EFHB: variants seen among roughly 807,000 people sequenced by gnomAD.
The protein encoded by EFHB is EF-hand domain-containing family member B.
EFHB carries 91 observed loss-of-function variants against 87.2 expected under a neutral mutation model. The observed-to-expected ratio is 1.04, with a 90% CI of 0.88 to 1.24. The LOEUF (loss-of-function observed/expected upper bound fraction) is 1.24, where lower values mean the gene tolerates loss of function less well. EFHB is among the 50% of genes most tolerant of loss of function. The pLI is 0.00. For synonymous variants in EFHB, 325 were observed against 333.6 expected (o/e 0.97, Z 0.28); for missense variants, 1,084 against 998.8 (o/e 1.09, Z -1.15).
intron 1 of EFHB, among the ~76,000 whole-genome samples, chr3:19,923,842 T>C (rs920948886): frequency 1.3e-5 from 2 of 152,272 alleles, no homozygotes; most frequent in African/African-American, 4.8e-5. Flanking sequence ...TAAAACTATA[T>C]TAGAAATTCT....
chr3:19,942,946 C>A, intron 1 of EFHB: 2 of 218,670 alleles, frequency 9.1e-6, no homozygotes, highest in Non-Finnish European at 9.0e-6. Context: ...GTCCATGGCC[C>A]TAGAGGACAC....
At chr3:19,939,370 CTTTTTT>C (rs147510880) in intron 1 of EFHB, among the ~76,000 whole-genome samples, 34 of 64,586 alleles carry the variant, frequency 5.3e-4, no homozygotes, top group Non-Finnish European at 8.6e-4. Flanking sequence ...GTTGGGTCTC[CTTTTTT>C]TTTTTTTTTT....
rs746372454 is a variant in EFHB, at chr3:19,933,324, T to C, written c.695A>G (p.Glu232Gly). 5.6e-6 allele frequency: 9 copies of C among 1,613,988 alleles called. No homozygotes were observed. In the African/African-American group the frequency reaches 1.1e-4, roughly 19 times the overall value. The change falls in exon 1 of 13, where the codon GAG (glutamate) becomes GGG (glycine). Residue 232 changes from glutamate (E) to glycine (G), a missense_variant. By Grantham distance (98) the Glu-to-Gly change is moderately conservative (BLOSUM62 -2). Transcript: ENST00000295824. The stretch of plus-strand genomic sequence containing the variant: ...CACTCCTGATTCAATGTTTCCAGCC[T>C]CCTTTCTCTGTTCATGTTGTTGGGC... ...QFAQQHEQRK[E>G]AGNIESGVEP...
rs952716481 is a variant in EFHB, at chr3:19,888,625, G to C, written c.1752C>G (p.Asp584Glu). The change falls in exon 10 of 13, where the codon GAC becomes GAG. Residue 584 changes from aspartate to glutamate, a missense_variant. Transcript: ENST00000295824. ...CCTGGTCACAAGCTTCCTGCAGCTCGTCTTTATCTATCATCCCATCTCCCT... is the reference window on the plus strand; with the variant it reads ...CCTGGTCACAAGCTTCCTGCAGCTCCTCTTTATCTATCATCCCATCTCCCT... Reference protein sequence around the residue: ...DKKGDGMIDKDELQEACDQAN... With the variant: ...DKKGDGMIDKEELQEACDQAN... 4.4e-6 allele frequency: 7 copies of C among 1,606,080 alleles called. No homozygotes were observed. The highest frequency in any genetic ancestry group is 6.0e-6 in the Non-Finnish European group (7 of 1,175,826).
At chr3:19,932,486 C>G (rs547804635) in intron 1 of EFHB, among the ~76,000 whole-genome samples, 4 of 152,156 alleles carry the variant, frequency 2.6e-5, no homozygotes, top group Non-Finnish European at 4.4e-5. Flanking sequence ...ACATAGGAAG[C>G]TTTGGTTGTG....
At chr3:19,936,100 T>C (rs1283771155), upstream of EFHB, 10 of 1,318,022 alleles carry the variant, frequency 7.6e-6, no homozygotes, top group Non-Finnish European at 9.7e-6. Flanking sequence ...TCCAAAAATA[T>C]TTTTTTAAAA....
At chr3:19,929,549 A>G (rs1187048818) in intron 1 of EFHB, among the ~76,000 whole-genome samples, 1 of 151,798 alleles carries the variant, frequency 6.6e-6, no homozygotes, top group African/African-American at 2.4e-5. Flanking sequence ...CTCTACTAAA[A>G]ATACAAAAAA....
chr3:19,929,255 T>A (rs1320745723), intron 1 of EFHB, among the ~76,000 whole-genome samples: 1 of 151,768 alleles, frequency 6.6e-6, no homozygotes, highest in Non-Finnish European at 1.5e-5. Flanking sequence ...CCCAGGTTGA[T>A]CTCAAACTCC....
Position 19,918,385 on chromosome 3 carries a change from T to C in EFHB, c.1024A>G (p.Ile342Val), listed in dbSNP as rs772187940. ...LANTLINPQPITTFQQKIKDK... is the reference protein window; with the variant it reads ...LANTLINPQPVTTFQQKIKDK... ...TTAATTTTCTGTTGAAATGTGGTAA[T>C]AGGCTGTGGGTTTATCAATGTGTTT... The change falls in exon 4 of 13, where the codon ATT (isoleucine) becomes GTT (valine). Residue 342 changes from isoleucine (I) to valine (V), a missense_variant. Transcript: ENST00000295824. 5.6e-6 allele frequency: 9 copies of C among 1,608,590 alleles called. No homozygotes were observed. Among genetic ancestry groups the C allele is most frequent in the Non-Finnish European group, 7.6e-6 (9 of 1,178,446 alleles).
chr3:19,920,453 G>A lies in EFHB; in HGVS notation c.852+52C>T, dbSNP rs796202290. Reference sequence around the variant, plus strand: ...AACGTTGAGTTGCCTATTCCTTAATGTTCACATAGAAGGTAAAAATAGAAA... The same window carrying A: ...AACGTTGAGTTGCCTATTCCTTAATATTCACATAGAAGGTAAAAATAGAAA... On this transcript the variant is annotated intron_variant, in intron 2 of 12. Transcript: ENST00000295824. The A allele has an allele frequency of 1.5e-5, 22 of 1,444,522 alleles. No individual in the cohort carries two copies. In the African/African-American group the frequency reaches 3.0e-4, roughly 20 times the overall value. 89.5% of individuals were successfully genotyped at this position (1,444,522 alleles called of 1,614,324 possible).
At chr3:19,892,828 C>A (rs1355488207) in intron 9 of EFHB, among the ~76,000 whole-genome samples, 6 of 147,480 alleles carry the variant, frequency 4.1e-5, no homozygotes, top group African/African-American at 1.5e-4. Flanking sequence ...GCACTCCAAC[C>A]TGGGCAACAG....
chr3:19,896,739 A>G lies in EFHB; in HGVS notation c.1673T>C (p.Val558Ala). ...CAAAGTGTCAAACTTTTGGTAATTA[A>G]CTTTCTTCAGGTGATGCCGAACTGC... is the stretch of plus-strand genomic sequence containing the variant. ...IAAVRHHLKK[V>A]NYQKFDTLLA... Residue 558 changes from valine (V) to alanine (A), a missense_variant, in exon 9 of 13, where the codon GTT (valine) becomes GCT (alanine). Coordinates refer to ENST00000295824, the MANE Select transcript of EFHB (RefSeq NM_144715.4). 1 of 1,614,008 alleles carries G rather than the reference A, an allele frequency of 6.2e-7. No homozygotes were observed. The highest frequency in any genetic ancestry group is 8.5e-7 in the Non-Finnish European group (1 of 1,179,890).
intron 10 of EFHB, among the ~76,000 whole-genome samples, chr3:19,887,121 C>T (rs938024409): frequency 6.6e-6 from 1 of 152,078 alleles, no homozygotes; most frequent in African/African-American, 2.4e-5. Context: ...TGGCTCTTGT[C>T]GGTCATCCTA....
In EFHB at chr3:19,903,217, C is replaced by T. The variant is rs1694730995; in HGVS notation, c.1418+2403G>A. ...ACAAAATGTATGATCAAATAAAACA[C>T]TGTTCCATAAACAGTGTCCTCTTGG... On this transcript the variant is annotated intron_variant, in intron 6 of 12. Coordinates refer to ENST00000295824, the MANE Select transcript of EFHB (RefSeq NM_144715.4). Among the ~76,000 whole-genome samples, 3 of 151,868 alleles carry T rather than the reference C, an allele frequency of 2.0e-5. No individual in the cohort carries two copies. In the South Asian group the frequency reaches 6.2e-4, roughly 31 times the overall value.
At chr3:19,919,701 CAGAT>C in intron 3 of EFHB, 128 bp downstream of exon 3, 2 of 907,344 alleles carry the variant, frequency 2.2e-6, no homozygotes, top group South Asian at 3.6e-5. Flanking sequence ...TTTTGGAAGA[CAGAT>C]TGAGAAAAGC....
In EFHB at chr3:19,944,994, T is replaced by A. The variant is rs571999959; in HGVS notation, c.-32+1925A>T. On this transcript the variant is annotated intron_variant, in intron 1 of 14. Coordinates refer to the EFHB transcript ENST00000344838. Reference sequence around the variant, plus strand: ...AATAAGGCAGATTTTAAGACAGCCATTATACAGAGTAAGGCAAAGTATTGT... The same window carrying A: ...AATAAGGCAGATTTTAAGACAGCCAATATACAGAGTAAGGCAAAGTATTGT... Among the ~76,000 whole-genome samples the A allele has an allele frequency of 3.3e-5, 5 of 152,308 alleles. No homozygotes were observed. In the South Asian group the frequency reaches 1.0e-3, roughly 32 times the overall value.
intron 12 of EFHB, among the ~76,000 whole-genome samples, chr3:19,880,229 CATTTATTTATTT>C (rs59492875): frequency 0.14 from 20,043 of 147,516 alleles, 1,499 homozygotes; most frequent in Middle Eastern, 0.22. Context: ...ACATTAGTTT[CATTTATTTATTT>C]ATTTATTTAT....
chr3:19,935,586 C>T (rs1695993177), upstream of EFHB, among the ~76,000 whole-genome samples: 1 of 152,034 alleles, frequency 6.6e-6, no homozygotes, highest in Admixed American at 6.5e-5. Context: ...GTGTCCAGCG[C>T]CTGTAATCCC....
At chr3:19,940,782 G>A in intron 1 of EFHB, 1 of 357,364 alleles carries the variant, frequency 2.8e-6, no homozygotes. Context: ...ACCTTGGAGT[G>A]CCAAAGGTAT....
Sources: gnomAD v4.1 joint callset for allele counts (sites outside exome capture counted in the v4.1 genomes callset) on GRCh38, gnomAD v4.1.1 for gene constraint, MANE v1.5 for transcripts, NCBI Gene and HGNC (gene_info 2026-07-23, HGNC 2026-07-21) for gene names.